The following MYH9 variants were observed in gnomAD, a reference collection of about 807,000 sequenced individuals.
The protein encoded by MYH9 is myosin-9.
A neutral mutation model predicts 241.9 loss-of-function variants in MYH9; 29 were observed. The observed-to-expected ratio is 0.12, with a 90% CI of 0.09 to 0.16. MYH9 has a LOEUF of 0.16. Ranked by LOEUF, MYH9 falls within the 10% of genes least tolerant of loss-of-function variation. MYH9 has a pLI of 1.00. For missense variants in MYH9, 1,803 were observed against 2,595.5 expected (o/e 0.69, Z 6.63); for synonymous variants, 1,047 against 1,062.6 (o/e 0.99, Z 0.29).
intron 1 of MYH9, among the ~76,000 whole-genome samples, chr22:36,370,654 C>T (rs1455068813): frequency 6.6e-6 from 1 of 152,182 alleles, no homozygotes; most frequent in Non-Finnish European, 1.5e-5. Context: ...GTCAAAAGTG[C>T]TTATGACTTA....
chr22:36,374,569 C>A (rs945408479), intron 1 of MYH9, among the ~76,000 whole-genome samples: 1 of 152,172 alleles, frequency 6.6e-6, no homozygotes, highest in African/African-American at 2.4e-5. Flanking sequence ...ACAATTACGT[C>A]TCTCTCAATA....
At chr22:36,374,694 G>T (rs2018139722) in intron 1 of MYH9, among the ~76,000 whole-genome samples, 1 of 152,228 alleles carries the variant, frequency 6.6e-6, no homozygotes, top group Admixed American at 6.5e-5. Context: ...ACCTGGGAGT[G>T]GAATCCTGCA....
chr22:36,300,981 C>T lies in MYH9; in HGVS notation c.2708G>A (p.Arg903Gln), dbSNP rs1215219107. 7 of 1,611,872 alleles carry T rather than the reference C, an allele frequency of 4.3e-6. No individual in the cohort carries two copies. The highest frequency in any genetic ancestry group is 1.6e-4 in the Middle Eastern group (1 of 6,062). The change falls in exon 22 of 41, where the codon CGG becomes CAG. Residue 903 changes from arginine (R) to glutamine (Q), a missense_variant. Arg to Gln is a conservative substitution (Grantham distance 43). Around this residue, in one of 11 missense-constraint regions of MYH9, gnomAD observed 290 missense variants for 360.5 expected, o/e 0.80. Transcript: ENST00000216181. This position sits in a 1 kb window ranked among gnomAD's most constrained non-coding sequence, Gnocchi z 5.0. ...TELCAEAEEL[R>Q]ARLTAKKQEL... ...CTGCTTCTTGGCGGTCAGGCGGGCC[C>T]GGAGCTCCTCAGCCTCGGCACACAG... is the stretch of plus-strand genomic sequence containing the variant.
intron 1 of MYH9, among the ~76,000 whole-genome samples, chr22:36,380,770 A>AAAAGT (rs1445417807): frequency 6.6e-6 from 1 of 151,974 alleles, no homozygotes; most frequent in Non-Finnish European, 1.5e-5. Context: ...AAAAGAAAAG[A>AAAAGT]AAGAAAGCCA....
At chr22:36,355,910 G>A (rs1404026492) in intron 1 of MYH9, among the ~76,000 whole-genome samples, 1 of 152,170 alleles carries the variant, frequency 6.6e-6, no homozygotes, top group Non-Finnish European at 1.5e-5. Flanking sequence ...ATCTCCCCAT[G>A]CTGGCTTGCA....
At chr22:36,319,505 C>T (rs762803781) in intron 10 of MYH9, 35 bp downstream of exon 10, 10 of 1,597,262 alleles carry the variant, frequency 6.3e-6, no homozygotes, top group Non-Finnish European at 6.0e-6. Flanking sequence ...CAAGCACCTG[C>T]CCCATTATTT....
chr22:36,298,432 G>A (rs1005036915), intron 24 of MYH9, among the ~76,000 whole-genome samples: 4 of 152,138 alleles, frequency 2.6e-5, no homozygotes, highest in Non-Finnish European at 5.9e-5. Context: ...AGGACTTTAC[G>A]GTACATATGT....
At chr22:36,346,515 G>A (rs1162691934) in intron 2 of MYH9, among the ~76,000 whole-genome samples, 2 of 152,198 alleles carry the variant, frequency 1.3e-5, no homozygotes, top group African/African-American at 4.8e-5. Context: ...GCCACCACCT[G>A]CTTTTATTAC....
At chr22:36,292,379 T>C in intron 30 of MYH9, 145 bp from the exon 31 acceptor site, 1 of 1,065,890 alleles carries the variant, frequency 9.4e-7, no homozygotes, top group Non-Finnish European at 1.4e-6. Flanking sequence ...CCTCCCCCAG[T>C]CACTTCCCTC....
rs7285745 is a variant in MYH9 at position 36,312,151 on chromosome 22, G to A, written c.1626C>T (p.Phe542=). ...CCTGCTCCTGCATCACCTTCTCCACGAAGCTCTTGTCGGTGGCTTTGGGGA... is the reference window on the plus strand; with the variant it reads ...CCTGCTCCTGCATCACCTTCTCCACAAAGCTCTTGTCGGTGGCTTTGGGGA... ...CWFPKATDKS[F]VEKVMQEQGT... Residue 542 remains phenylalanine, a synonymous_variant, in exon 14 of 41, where the codon TTC becomes TTT. Transcript: ENST00000216181. 2,956 of 1,614,152 alleles carry A rather than the reference G, an allele frequency of 1.8e-3. 39 individuals carry two copies. In the African/African-American group the frequency reaches 0.031, roughly 17 times the overall value.
intron 15 of MYH9, among the ~76,000 whole-genome samples, chr22:36,307,958 A>G (rs2016999129): frequency 6.6e-6 from 1 of 151,924 alleles, no homozygotes; most frequent in Non-Finnish European, 1.5e-5. Context: ...CCTGGCTACC[A>G]CAGGTTTCCT....
At position 36,284,414 on chromosome 22, in the gene MYH9, A is replaced by G; in HGVS notation, c.5581T>C (p.Tyr1861His). 1 of 1,612,528 alleles carries G rather than the reference A, an allele frequency of 6.2e-7. No homozygotes were observed. Among genetic ancestry groups the G allele is most frequent in the Non-Finnish European group, 8.5e-7 (1 of 1,180,000 alleles). ...VDDERRNAEQ[Y>H]KDQADKASTR... Reference sequence around the variant, plus strand: ...ACCAGCGCCCACACCTGGTCCTTGTACTGCTCGGCGTTCCTCCGCTCGTCA... The same window carrying G: ...ACCAGCGCCCACACCTGGTCCTTGTGCTGCTCGGCGTTCCTCCGCTCGTCA... Residue 1861 changes from tyrosine (Y) to histidine (H), a missense_variant, in exon 39 of 41, where the codon TAC becomes CAC. This residue lies in a region of MYH9 where 876 missense variants were observed against 1,077.8 expected (regional missense o/e 0.81). Transcript: ENST00000216181.
rs727504829 is a variant in MYH9, at chr22:36,292,151, G to C, written c.4179C>G (p.Asp1393Glu). ...AEEVKRKLQK[D>E]LEGLSQRHEE... is the part of the protein sequence containing the mutation. ...CGTGCCGCTGGCTCAGGCCCTCCAG[G>C]TCCTTCTGGAGCTTCCTCTTCACCT... Residue 1393 changes from aspartate (D) to glutamate (E), a missense_variant, in exon 31 of 41, where the codon GAC becomes GAG. Physicochemically the swap from Asp to Glu is conservative, Grantham distance 45 (BLOSUM62 2). This residue lies in a region of MYH9 where 876 missense variants were observed against 1,077.8 expected (regional missense o/e 0.81). Coordinates refer to ENST00000216181, the MANE Select transcript of MYH9 (RefSeq NM_002473.6). 1.9e-5 allele frequency: 30 copies of C among 1,614,066 alleles called. No homozygotes were observed. Among genetic ancestry groups the C allele is most frequent in the Middle Eastern group, 3.3e-4 (2 of 6,084 alleles).
At chr22:36,322,298 A>C in intron 6 of MYH9, 131 bp downstream of exon 6, 3 of 1,025,622 alleles carry the variant, frequency 2.9e-6, no homozygotes, top group Non-Finnish European at 4.5e-6. Flanking sequence ...AGTCCACACG[A>C]CAGGCCAGAT....
chr22:36,333,126 C>T (rs2017449232), intron 3 of MYH9, among the ~76,000 whole-genome samples: 1 of 152,214 alleles, frequency 6.6e-6, no homozygotes, highest in African/African-American at 2.4e-5. Flanking sequence ...GCAGACACAG[C>T]CAGGCACTGC....
intron 3 of MYH9, among the ~76,000 whole-genome samples, chr22:36,339,858 G>A (rs979110735): frequency 1.3e-5 from 2 of 152,122 alleles, no homozygotes; most frequent in Non-Finnish European, 2.9e-5. Context: ...AAGGCAACAT[G>A]GGCCCTGTCT....
intron 1 of MYH9, among the ~76,000 whole-genome samples, chr22:36,354,476 G>A (rs1000739950): frequency 7.4e-5 from 11 of 149,328 alleles, no homozygotes; most frequent in African/African-American, 1.7e-4. Flanking sequence ...ATGGAGTCCC[G>A]CTCTATCACC....
chr22:36,347,088 G>A (rs760623084), intron 2 of MYH9, among the ~76,000 whole-genome samples: 4 of 152,130 alleles, frequency 2.6e-5, no homozygotes, highest in African/African-American at 4.8e-5. Flanking sequence ...TCTTTGAGTT[G>A]AACAGAGGAA....
At chr22:36,347,013 G>A (rs1312899311) in intron 2 of MYH9, among the ~76,000 whole-genome samples, 6 of 152,140 alleles carry the variant, frequency 3.9e-5, no homozygotes, top group Admixed American at 1.3e-4. Context: ...GAAATAAAGA[G>A]CTATTTTAGG....
Sources: gnomAD v4.1 joint callset for allele counts (sites outside exome capture counted in the v4.1 genomes callset) on GRCh38, gnomAD v4.1.1 for gene constraint, gnomAD v4.1.1 regional missense constraint, Gnocchi (gnomAD v3.1) non-coding constraint, MANE v1.5 for transcripts, NCBI Gene and HGNC (gene_info 2026-07-23, HGNC 2026-07-21) for gene names.